TENM3: variants seen among roughly 807,000 people sequenced by gnomAD.
The protein encoded by TENM3 is teneurin transmembrane protein 3.
Under a neutral mutation model 255.1 loss-of-function variants are expected in TENM3, and 63 were observed. That is an observed-to-expected ratio of 0.25 (90% confidence interval 0.20 to 0.30). TENM3 has a LOEUF of 0.30. Ranked by LOEUF, TENM3 falls within the 10% of genes least tolerant of loss-of-function variation. The probability of loss-of-function intolerance (pLI) is 1.00; values close to 1 mark genes in which losing one functional copy is unlikely to be tolerated. For synonymous variants in TENM3, 1,306 were observed against 1,322.3 expected (o/e 0.99, Z 0.27); for missense variants, 2,929 against 3,461.1 (o/e 0.85, Z 3.86).
chr4:181,608,333 G>A, the TENM3 span, among the ~76,000 whole-genome samples: 2 of 152,302 alleles, frequency 1.3e-5, no homozygotes, highest in South Asian at 4.1e-4. Flanking sequence ...TTGACAAATT[G>A]AAATCTGCCC....
chr4:181,922,025 C>T, the TENM3 span, among the ~76,000 whole-genome samples: 1 of 151,998 alleles, frequency 6.6e-6, no homozygotes, highest in Non-Finnish European at 1.5e-5. Context: ...TGTTTATATG[C>T]TGGATTACAT....
intron 1 of TENM3, among the ~76,000 whole-genome samples, chr4:182,233,937 C>G (rs1324962685): frequency 6.6e-6 from 1 of 152,238 alleles, no homozygotes; most frequent in Admixed American, 6.5e-5. Flanking sequence ...ACTCTTTACG[C>G]CTTTCGGCTT....
At chr4:181,888,550 GTATATATATA>G in the TENM3 span, among the ~76,000 whole-genome samples, 3 of 79,422 alleles carry the variant, frequency 3.8e-5, no homozygotes, top group African/African-American at 9.4e-5. Flanking sequence ...ATATATATAT[GTATATATATA>G]CATATATGTA....
the TENM3 span, among the ~76,000 whole-genome samples, chr4:181,614,040 A>T: frequency 1.3e-5 from 2 of 152,062 alleles, no homozygotes; most frequent in Admixed American, 6.5e-5. Flanking sequence ...AAAATATGTT[A>T]TTTCTGTTAA....
intron 3 of TENM3, among the ~76,000 whole-genome samples, chr4:182,378,582 C>T (rs934268160): frequency 5.3e-5 from 8 of 152,004 alleles, no homozygotes; most frequent in Non-Finnish European, 7.4e-5. Flanking sequence ...CGCAAAGACC[C>T]CAGGAGTGCA....
At chr4:181,615,426 A>G in the TENM3 span, among the ~76,000 whole-genome samples, 8 of 151,422 alleles carry the variant, frequency 5.3e-5, no homozygotes, top group African/African-American at 1.9e-4. Context: ...ACCACCTACC[A>G]CCCCCTACCT....
chr4:182,701,257 G>A (rs1316716415), intron 12 of TENM3, among the ~76,000 whole-genome samples: 1 of 92,178 alleles, frequency 1.1e-5, no homozygotes, highest in Non-Finnish European at 1.9e-5. Context: ...GTCTTGCTCT[G>A]TTGCCCAGGC....
chr4:182,408,328 C>T (rs1463202711), intron 3 of TENM3, among the ~76,000 whole-genome samples: 1 of 152,196 alleles, frequency 6.6e-6, no homozygotes, highest in Non-Finnish European at 1.5e-5. Flanking sequence ...CCTTAGTCGA[C>T]AGTTCTTCTG....
At chr4:182,521,487 T>C (rs779779815) in intron 3 of TENM3, among the ~76,000 whole-genome samples, 2 of 152,216 alleles carry the variant, frequency 1.3e-5, no homozygotes, top group Non-Finnish European at 2.9e-5. Flanking sequence ...AATTAAGAGA[T>C]AACTGTCTCC....
the TENM3 span, among the ~76,000 whole-genome samples, chr4:181,766,688 A>G: frequency 6.6e-6 from 1 of 152,094 alleles, no homozygotes; most frequent in African/African-American, 2.4e-5. Flanking sequence ...AAAACCACAC[A>G]AACACTGTAC....
At chr4:182,198,728 C>G (rs892183399) in intron 1 of TENM3, among the ~76,000 whole-genome samples, 39 of 152,152 alleles carry the variant, frequency 2.6e-4, no homozygotes, top group African/African-American at 9.4e-4. Flanking sequence ...GCTCCTGGCT[C>G]AGGCCTGGGC....
the TENM3 span, among the ~76,000 whole-genome samples, chr4:181,542,287 C>A: frequency 1.3e-5 from 2 of 152,086 alleles, no homozygotes; most frequent in Non-Finnish European, 2.9e-5. Flanking sequence ...TGGAGAGCAG[C>A]GAGCCAGACA....
At chr4:182,719,267 T>C (rs1333672878) in intron 13 of TENM3, among the ~76,000 whole-genome samples, 2 of 133,016 alleles carry the variant, frequency 1.5e-5, no homozygotes, top group East Asian at 2.2e-4. Context: ...TTTTTTTTTT[T>C]TTTTTTTTTT....
chr4:181,833,389 T>G, the TENM3 span, among the ~76,000 whole-genome samples: 12,693 of 152,164 alleles, frequency 0.083, 756 homozygotes, highest in East Asian at 0.19. Flanking sequence ...AGTAGCTTCC[T>G]TACTGTACTC....
At chr4:182,066,772 G>T in the TENM3 span, among the ~76,000 whole-genome samples, 8 of 151,852 alleles carry the variant, frequency 5.3e-5, no homozygotes, top group Non-Finnish European at 1.0e-4. Context: ...TTAGCCGGGC[G>T]TGGTGGCAGG....
chr4:182,557,585 G>A (rs1742698120), intron 3 of TENM3, among the ~76,000 whole-genome samples: 1 of 152,060 alleles, frequency 6.6e-6, no homozygotes. Context: ...TGATGAATTT[G>A]GCCCTTGCTC....
intron 3 of TENM3, among the ~76,000 whole-genome samples, chr4:182,485,602 T>C (rs890363523): frequency 3.3e-5 from 5 of 152,154 alleles, no homozygotes; most frequent in African/African-American, 9.6e-5. Flanking sequence ...TACTTTGCTT[T>C]AGAGGTAAAT....
the TENM3 span, among the ~76,000 whole-genome samples, chr4:181,562,477 G>A: frequency 1.3e-5 from 2 of 152,056 alleles, no homozygotes; most frequent in Non-Finnish European, 2.9e-5. Context: ...CTAGATGTGG[G>A]CCAGTTGTCT....
intron 3 of TENM3, among the ~76,000 whole-genome samples, chr4:182,454,467 G>A (rs1166217847): frequency 6.6e-6 from 1 of 152,090 alleles, no homozygotes; most frequent in Non-Finnish European, 1.5e-5. Flanking sequence ...TAATGATGAT[G>A]ATTAGTCTTT....
Sources: gnomAD v4.1 joint callset for allele counts (sites outside exome capture counted in the v4.1 genomes callset) on GRCh38, gnomAD v4.1.1 for gene constraint, MANE v1.5 for transcripts, NCBI Gene and HGNC (gene_info 2026-07-23, HGNC 2026-07-21) for gene names.